COL25A1: variants seen among roughly 807,000 people sequenced by gnomAD.
COL25A1 encodes collagen alpha-1(XXV) chain.
COL25A1 carries 103 observed loss-of-function variants against 128.4 expected under a neutral mutation model. That is an observed-to-expected ratio of 0.80 (90% CI 0.68 to 0.94). COL25A1 has a LOEUF of 0.94. Among genes scored for constraint, COL25A1 ranks in the 40% least tolerant of loss-of-function variants. COL25A1 has a pLI of 0.00. For synonymous variants in COL25A1, 279 were observed against 277.2 expected, an observed-to-expected ratio of 1.01 and a Z score of -0.06; for missense variants, 745 against 840.0, an observed-to-expected ratio of 0.89 and a Z score of 1.40.
At chr4:108,992,130 A>G (rs1037342457) in intron 6 of COL25A1, among the ~76,000 whole-genome samples, 5 of 152,052 alleles carry the variant, frequency 3.3e-5, no homozygotes, top group African/African-American at 9.7e-5. Flanking sequence ...TTTCTCTCAC[A>G]TTTTTTTCTC....
chr4:109,167,391 A>T (rs543335972), intron 3 of COL25A1, among the ~76,000 whole-genome samples: 1 of 152,280 alleles, frequency 6.6e-6, no homozygotes, highest in South Asian at 2.1e-4. Context: ...CCACGTGTGT[A>T]ATACAAAATG....
At chr4:109,192,014 T>G (rs1225387490) in intron 3 of COL25A1, among the ~76,000 whole-genome samples, 1 of 152,202 alleles carries the variant, frequency 6.6e-6, no homozygotes, top group African/African-American at 2.4e-5. Flanking sequence ...GTCAGAGAGA[T>G]CTTCCTAAGT....
intron 3 of COL25A1, among the ~76,000 whole-genome samples, chr4:109,136,353 C>G (rs1333267995): frequency 2.0e-5 from 3 of 152,132 alleles, no homozygotes; most frequent in Non-Finnish European, 4.4e-5. Context: ...GAGCCGAGAT[C>G]ATGACATTGC....
intron 6 of COL25A1, among the ~76,000 whole-genome samples, chr4:108,995,049 G>A (rs1298418651): frequency 1.3e-5 from 2 of 152,174 alleles, no homozygotes; most frequent in African/African-American, 4.8e-5. Flanking sequence ...AAAAAACAGA[G>A]TGCCTCTTCT....
intron 25 of COL25A1, 69 bp from the exon 26 acceptor site, chr4:108,852,349 G>A: frequency 8.9e-7 from 1 of 1,122,218 alleles, no homozygotes; most frequent in Non-Finnish European, 1.3e-6. Flanking sequence ...CCTTAAATAG[G>A]CACACTATAC....
chr4:109,001,403 T>G (rs1755378595), intron 6 of COL25A1, among the ~76,000 whole-genome samples: 5 of 152,262 alleles, frequency 3.3e-5, no homozygotes, highest in African/African-American at 4.8e-5. Flanking sequence ...GGTAGGCATC[T>G]GAGATCCTGT....
At chr4:108,948,989 C>T (rs1749091346) in intron 8 of COL25A1, among the ~76,000 whole-genome samples, 1 of 152,078 alleles carries the variant, frequency 6.6e-6, no homozygotes, top group Admixed American at 6.6e-5. Flanking sequence ...TAAAGTGTTC[C>T]CTAATGACAT....
chr4:108,869,446 T>A lies in COL25A1; in HGVS notation c.1021-296A>T, dbSNP rs189796821. ...GCAAACCCCTGAATTTGTAGCTGAG[T>A]CAGACAGAAGTACAGGTAACCTGCG... is the stretch of plus-strand genomic sequence containing the variant. On this transcript the variant is annotated intron_variant, in intron 19 of 37. Transcript: ENST00000399132. Among the ~76,000 whole-genome samples the A allele has an allele frequency of 2.4e-3, 371 of 152,218 alleles. 1 individual carries two copies. The highest frequency in any genetic ancestry group is 8.5e-3 in the African/African-American group (351 of 41,528).
chr4:109,246,265 C>A (rs1418719680), intron 3 of COL25A1, among the ~76,000 whole-genome samples: 1 of 152,050 alleles, frequency 6.6e-6, no homozygotes, highest in African/African-American at 2.4e-5. Context: ...TAAAATTAAG[C>A]AGAGATATAA....
chr4:108,954,721 G>A (rs1416443435), intron 8 of COL25A1, among the ~76,000 whole-genome samples: 1 of 151,606 alleles, frequency 6.6e-6, no homozygotes, highest in Non-Finnish European at 1.5e-5. Flanking sequence ...CTCTTTTTAT[G>A]GTTACATGAA....
intron 3 of COL25A1, among the ~76,000 whole-genome samples, chr4:109,158,533 A>G (rs1188878934): frequency 1.3e-5 from 2 of 152,226 alleles, no homozygotes; most frequent in Non-Finnish European, 2.9e-5. Flanking sequence ...ACTATGAAGT[A>G]TCTACAATAT....
chr4:108,952,646 T>G (rs1749573835), intron 8 of COL25A1, among the ~76,000 whole-genome samples: 1 of 152,078 alleles, frequency 6.6e-6, no homozygotes, highest in Non-Finnish European at 1.5e-5. Context: ...TGCTCTTCAG[T>G]TGAGGTTGCC....
At chr4:108,987,665 C>T (rs1404773364) in intron 6 of COL25A1, among the ~76,000 whole-genome samples, 3 of 152,130 alleles carry the variant, frequency 2.0e-5, no homozygotes, top group Admixed American at 2.0e-4. Context: ...TGAGCCACCG[C>T]GCCCGGCCGT....
rs776941019 is a variant in COL25A1, at chr4:109,057,421, A to ATTTTTTTTTTTTTTTTTTTTTTTTTT, written c.368-7268_368-7243dup. Among the ~76,000 whole-genome samples, 5 of 20,238 alleles carry ATTTTTTTTTTTTTTTTTTTTTTTTTT rather than the reference A, an allele frequency of 2.5e-4. 1 individual carries two copies. The highest frequency in any genetic ancestry group is 3.5e-4 in the African/African-American group (2 of 5,768). 13.3% of individuals were successfully genotyped at this position (20,238 alleles called of 152,430 possible). A position where few individuals can be genotyped will look rare whatever the true frequency, so the allele number is the denominator to read the frequency against. On this transcript the variant is annotated intron_variant, in intron 3 of 37. Coordinates refer to ENST00000399132, the MANE Select transcript of COL25A1 (RefSeq NM_198721.4). ...TAGCTGGGACCACCATGCCTAGCTA[A>ATTTTTTTTTTTTTTTTTTTTTTTTTT]TTTTTTTTTTTTTTTTTTTTTTTTT... is the stretch of plus-strand genomic sequence containing the variant.
chr4:109,101,043 T>G (rs1765844748), intron 3 of COL25A1, among the ~76,000 whole-genome samples: 1 of 152,206 alleles, frequency 6.6e-6, no homozygotes, highest in African/African-American at 2.4e-5. Flanking sequence ...AAGTGGCTAC[T>G]TCAAAGGGGC....
At chr4:109,003,739 G>A (rs1477779622) in intron 6 of COL25A1, among the ~76,000 whole-genome samples, 1 of 152,188 alleles carries the variant, frequency 6.6e-6, no homozygotes, top group East Asian at 1.9e-4. Flanking sequence ...AGGCAGGGTT[G>A]CAGTGAGCCA....
chr4:109,020,862 T>G (rs917782426), intron 5 of COL25A1, among the ~76,000 whole-genome samples: 6 of 152,240 alleles, frequency 3.9e-5, no homozygotes, highest in African/African-American at 1.4e-4. Context: ...TATTCAGATT[T>G]TTACTATTAT....
intron 14 of COL25A1, among the ~76,000 whole-genome samples, chr4:108,899,897 T>C (rs1450636382): frequency 6.6e-6 from 1 of 152,144 alleles, no homozygotes; most frequent in East Asian, 1.9e-4. Context: ...ATTTTCACTT[T>C]ACCCAGGAAA....
chr4:108,923,068 C>T (rs1290898534), intron 11 of COL25A1, among the ~76,000 whole-genome samples: 1 of 152,060 alleles, frequency 6.6e-6, no homozygotes, highest in East Asian at 1.9e-4. Flanking sequence ...TCCAGAAATA[C>T]CAGTTATTTT....
Sources: gnomAD v4.1 joint callset for allele counts (sites outside exome capture counted in the v4.1 genomes callset) on GRCh38, gnomAD v4.1.1 for gene constraint, MANE v1.5 for transcripts, NCBI Gene and HGNC (gene_info 2026-07-23, HGNC 2026-07-21) for gene names.